The following TTC23 variants were observed in gnomAD, a reference collection of about 807,000 sequenced individuals.
The protein encoded by TTC23 is tetratricopeptide repeat domain 23.
A neutral mutation model predicts 55.1 loss-of-function variants in TTC23; 58 were observed. That is an observed-to-expected ratio of 1.05 (90% CI 0.85 to 1.31). The LOEUF is 1.31. Among genes scored for constraint, TTC23 ranks in the 50% most tolerant of loss-of-function variants. The probability of loss-of-function intolerance (pLI) is 0.00; values close to 1 mark genes in which losing one functional copy is unlikely to be tolerated. For missense variants in TTC23, 516 were observed against 534.4 expected (o/e 0.97, Z 0.34); for synonymous variants, 203 against 199.9 (o/e 1.02, Z -0.13).
intron 12 of TTC23, among the ~76,000 whole-genome samples, chr15:99,141,206 A>T (rs1348264761): frequency 1.3e-5 from 2 of 152,192 alleles, no homozygotes. Context: ...TGTGATATGT[A>T]TATATTATAT....
chr15:99,194,381 G>A (rs1369208102), intron 9 of TTC23, among the ~76,000 whole-genome samples: 1 of 152,036 alleles, frequency 6.6e-6, no homozygotes, highest in Non-Finnish European at 1.5e-5. Context: ...AATTAAGACA[G>A]TGTGGCAGTG....
intron 2 of TTC23, among the ~76,000 whole-genome samples, chr15:99,244,024 G>C (rs1336434110): frequency 6.6e-6 from 1 of 152,174 alleles, no homozygotes; most frequent in Non-Finnish European, 1.5e-5. Context: ...TGAGGACACA[G>C]ATACCCACTT....
intron 8 of TTC23, among the ~76,000 whole-genome samples, chr15:99,206,898 G>A (rs2076673715): frequency 6.6e-6 from 1 of 152,000 alleles, no homozygotes; most frequent in Non-Finnish European, 1.5e-5. Flanking sequence ...TTGTTAGGCT[G>A]TTTATTTGAA....
chr15:99,196,167 A>G lies in TTC23; in HGVS notation c.759+3752T>C, dbSNP rs2075690328. ...ACTCTGTCTCAAAAAAAAAAAAAAAAAGTTTGAGAGATATGGGTTAACATA... is the reference window on the plus strand; with the variant it reads ...ACTCTGTCTCAAAAAAAAAAAAAAAGAGTTTGAGAGATATGGGTTAACATA... On this transcript the variant is annotated intron_variant, in intron 9 of 13. Coordinates refer to ENST00000394132, the MANE Select transcript of TTC23 (RefSeq NM_001288615.3). Among the ~76,000 whole-genome samples the G allele has an allele frequency of 3.3e-5, 5 of 151,978 alleles. No individual in the cohort carries two copies. The South Asian group carries it at 1.0e-3, about 31-fold the overall frequency.
chr15:99,189,662 C>G (rs1249213819), intron 9 of TTC23, among the ~76,000 whole-genome samples: 2 of 152,124 alleles, frequency 1.3e-5, no homozygotes, highest in Non-Finnish European at 2.9e-5. Context: ...CAAACCCAAA[C>G]TAAGGAACAG....
rs1189709585 is a variant in TTC23, at chr15:99,188,575, A to C, written c.759+11344T>G. On this transcript the variant is annotated intron_variant, in intron 9 of 13. Transcript: ENST00000394132. The stretch of plus-strand genomic sequence containing the variant: ...TCATAAACAAAGGGGCAATATGTAT[A>C]AGATATGAAGGATTTCTAGCAGTTA... 3.3e-5 allele frequency among the ~76,000 whole-genome samples: 5 copies of C among 152,196 alleles called. No homozygotes were observed. In the East Asian group the frequency reaches 9.6e-4, roughly 29 times the overall value.
chr15:99,196,720 C>T (rs2075748198), intron 9 of TTC23, among the ~76,000 whole-genome samples: 1 of 152,200 alleles, frequency 6.6e-6, no homozygotes, highest in South Asian at 2.1e-4. Flanking sequence ...TGAGTTATCC[C>T]CCTGCTTATC....
At chr15:99,208,526 C>G (rs1413680474) in intron 8 of TTC23, among the ~76,000 whole-genome samples, 1 of 152,064 alleles carries the variant, frequency 6.6e-6, no homozygotes, top group East Asian at 1.9e-4. Flanking sequence ...GAATACAACA[C>G]GCAATTGCAC....
rs148513361 is a variant in TTC23 at position 99,170,590 on chromosome 15, T to C, written c.865+4460A>G. On this transcript the variant is annotated intron_variant, in intron 10 of 13. Coordinates refer to ENST00000394132, the MANE Select transcript of TTC23 (RefSeq NM_001288615.3). Reference sequence around the variant, plus strand: ...GTCCAGGTCAGAAAGTCCTATGCTGTTGAGAGCTGTGAGGGATTTGGTTGC... The same window carrying C: ...GTCCAGGTCAGAAAGTCCTATGCTGCTGAGAGCTGTGAGGGATTTGGTTGC... 6.2e-3 allele frequency among the ~76,000 whole-genome samples: 940 copies of C among 152,292 alleles called. 7 individuals carry two copies. Among genetic ancestry groups the C allele is most frequent in the African/African-American group, 0.02 (819 of 41,560 alleles).
chr15:99,140,817 G>A (rs1435838798), intron 12 of TTC23: 3 of 152,182 alleles, frequency 2.0e-5, no homozygotes, highest in Non-Finnish European at 4.4e-5. Context: ...GACAAGCCAC[G>A]CTGAGGAAAG....
At chr15:99,165,298 T>C (rs2071918266) in intron 10 of TTC23, among the ~76,000 whole-genome samples, 1 of 152,222 alleles carries the variant, frequency 6.6e-6, no homozygotes, top group African/African-American at 2.4e-5. Context: ...TAAACAGCCC[T>C]GTACACCTCA....
chr15:99,240,747 T>C (rs768927217), intron 3 of TTC23, among the ~76,000 whole-genome samples: 14 of 152,266 alleles, frequency 9.2e-5, no homozygotes, highest in Non-Finnish European at 1.8e-4. Context: ...ATAATTTTCC[T>C]GGCCAACACC....
intron 10 of TTC23, among the ~76,000 whole-genome samples, 195 bp downstream of exon 10, chr15:99,174,855 A>T (rs2073359482): frequency 6.6e-6 from 1 of 152,192 alleles, no homozygotes; most frequent in South Asian, 2.1e-4. Context: ...GAAGAAGGCT[A>T]GAAGAAGGGG....
chr15:99,151,684 A>G (rs1387456688), intron 12 of TTC23, among the ~76,000 whole-genome samples: 2 of 152,202 alleles, frequency 1.3e-5, no homozygotes, highest in African/African-American at 4.8e-5. Flanking sequence ...AAAGACTCCT[A>G]CTGTCCCAAT....
intron 9 of TTC23, among the ~76,000 whole-genome samples, chr15:99,178,345 G>C (rs1203861046): frequency 2.0e-5 from 3 of 152,048 alleles, no homozygotes; most frequent in African/African-American, 7.2e-5. Context: ...TTTATTTGAT[G>C]TTCATGAAGC....
At chr15:99,142,742 T>C (rs1596199294) in intron 12 of TTC23, among the ~76,000 whole-genome samples, 1 of 152,326 alleles carries the variant, frequency 6.6e-6, no homozygotes, top group South Asian at 2.1e-4. Context: ...CAACTGACAG[T>C]GCTTATGCAA....
At chr15:99,235,299 A>C (rs562675642) in intron 3 of TTC23, among the ~76,000 whole-genome samples, 1 of 151,982 alleles carries the variant, frequency 6.6e-6, no homozygotes, top group South Asian at 2.1e-4. Context: ...ATATAAAATA[A>C]AATTTCTCAT....
chr15:99,246,353 C>T (rs142057766), intron 1 of TTC23, among the ~76,000 whole-genome samples: 93 of 152,226 alleles, frequency 6.1e-4, no homozygotes, highest in Middle Eastern at 3.4e-3. Flanking sequence ...TGGTGGCTCA[C>T]GCCTGTAATC....
chr15:99,188,923 A>T (rs900915676), intron 9 of TTC23, among the ~76,000 whole-genome samples: 1 of 152,166 alleles, frequency 6.6e-6, no homozygotes, highest in African/African-American at 2.4e-5. Context: ...TAGAATTCCA[A>T]TAAGACAAAC....
Sources: allele counts gnomAD v4.1 joint callset (sites outside exome capture counted in the v4.1 genomes callset), GRCh38; gene constraint gnomAD v4.1.1; transcripts MANE v1.5; gene names NCBI Gene and HGNC (gene_info 2026-07-23, HGNC 2026-07-21).